SRGAP1: variants seen among roughly 807,000 people sequenced by gnomAD.
SRGAP1 encodes SLIT-ROBO Rho GTPase activating protein 1.
SRGAP1 carries 43 observed loss-of-function variants against 121.9 expected under a neutral mutation model. The ratio of observed to expected loss-of-function variants is 0.35; its 90% CI spans 0.28 to 0.46. The LOEUF is 0.46. SRGAP1 is among the 20% of genes least tolerant of loss of function. SRGAP1 has a pLI of 1.00. For missense variants in SRGAP1, 1,102 were observed against 1,350.9 expected (o/e 0.82, Z 2.89); for synonymous variants, 447 against 485.4 (o/e 0.92, Z 1.04).
At chr12:64,108,805 A>G (rs1198992633) in intron 15 of SRGAP1, 127 bp from the exon 16 acceptor site, 5 of 534,142 alleles carry the variant, frequency 9.4e-6, no homozygotes, top group Middle Eastern at 3.4e-4. Flanking sequence ...TTTGGTTACA[A>G]TTGGATCTCA....
At chr12:64,023,043 C>T (rs1227187106) in intron 4 of SRGAP1, among the ~76,000 whole-genome samples, 2 of 152,088 alleles carry the variant, frequency 1.3e-5, no homozygotes, top group African/African-American at 2.4e-5. Flanking sequence ...TTAGCCTCCT[C>T]ATCATCATCG....
chr12:64,147,626 C>T lies in SRGAP1; in HGVS notation c.*4954C>T. On this transcript the variant is annotated 3_prime_UTR_variant, in exon 22 of 22. Coordinates refer to ENST00000355086, the MANE Select transcript of SRGAP1 (RefSeq NM_020762.4). The stretch of plus-strand genomic sequence containing the variant: ...TTCGCCCGTGCTCTGTACTGCCTCT[C>T]ACCATTTCATTCCCTCCTCTCTGAG... 2.5e-6 allele frequency: 1 copy of T among 398,730 alleles called. No individual in the cohort carries two copies. The highest frequency in any genetic ancestry group is 4.4e-6 in the Non-Finnish European group (1 of 226,100). The allele number at this position is 398,730 out of a possible 1,614,324, so 24.7% of individuals were successfully genotyped here.
At chr12:64,095,666 T>G (rs2036142981) in intron 14 of SRGAP1, among the ~76,000 whole-genome samples, 1 of 152,174 alleles carries the variant, frequency 6.6e-6, no homozygotes, top group Admixed American at 6.5e-5. Flanking sequence ...TCAAATAAGT[T>G]CTACTAAACT....
chr12:63,868,578 C>A (rs989339538), intron 1 of SRGAP1, among the ~76,000 whole-genome samples: 2 of 151,990 alleles, frequency 1.3e-5, no homozygotes, highest in African/African-American at 4.8e-5. Context: ...CCCAGGCTGG[C>A]CTTGAACTCC....
intron 1 of SRGAP1, among the ~76,000 whole-genome samples, chr12:63,910,601 G>A (rs1355439009): frequency 6.6e-6 from 1 of 152,086 alleles, no homozygotes; most frequent in Non-Finnish European, 1.5e-5. Context: ...TTAAAGTCAT[G>A]GTACTTTAGA....
At position 63,898,905 on chromosome 12, in the gene SRGAP1, A is replaced by G. The variant is rs78747902; in HGVS notation, c.67+54022A>G. Among the ~76,000 whole-genome samples, 247 of 152,284 alleles carry G rather than the reference A, an allele frequency of 1.6e-3. 2 individuals are homozygous for G. In the East Asian group the frequency reaches 0.03, roughly 18 times the overall value. On this transcript the variant is annotated intron_variant, in intron 1 of 21. Coordinates refer to ENST00000355086, the MANE Select transcript of SRGAP1 (RefSeq NM_020762.4). ...TTGGACCAGTTTAGTCTATTGGAAA[A>G]GATAGGACATATGTTTCATTTCTTA...
rs1565699070 is a variant in SRGAP1 at position 64,141,285 on chromosome 12, A to AG, written c.2881-1010_2881-1009insG. The stretch of plus-strand genomic sequence containing the variant: ...CTTAAAGTATAATAAAAAAAAAAAA[A>AG]AAAAAGAAAAACTTGGCCCGGCACG... On this transcript the variant is annotated intron_variant, in intron 21 of 21. Transcript: ENST00000355086. Among the ~76,000 whole-genome samples the AG allele has an allele frequency of 1.4e-4, 18 of 126,810 alleles. 1 individual carries two copies. Among genetic ancestry groups the AG allele is most frequent in the East Asian group, 7.4e-4 (3 of 4,064 alleles). The allele number at this position is 126,810 out of a possible 152,430, so 83.2% of individuals were successfully genotyped here. A position where few individuals can be genotyped will look rare whatever the true frequency, so the allele number is the denominator to read the frequency against.
At chr12:64,026,764 G>A (rs1487586740) in intron 4 of SRGAP1, among the ~76,000 whole-genome samples, 7 of 151,872 alleles carry the variant, frequency 4.6e-5, no homozygotes, top group Non-Finnish European at 8.8e-5. Context: ...TACTTGGAAG[G>A]CTGAGTCGGG....
At chr12:64,021,093 G>C (rs1181491840) in intron 4 of SRGAP1, among the ~76,000 whole-genome samples, 1 of 152,122 alleles carries the variant, frequency 6.6e-6, no homozygotes, top group Non-Finnish European at 1.5e-5. Context: ...ATGATTGCTA[G>C]AACTCCAGCC....
chr12:64,043,032 C>G, intron 5 of SRGAP1, 60 bp downstream of exon 5: 1 of 1,140,350 alleles, frequency 8.8e-7, no homozygotes, highest in Non-Finnish European at 1.3e-6. Context: ...ACTAAGAACA[C>G]TGATGCAATA....
intron 1 of SRGAP1, among the ~76,000 whole-genome samples, chr12:63,964,369 G>A (rs973904228): frequency 6.6e-6 from 1 of 152,122 alleles, no homozygotes; most frequent in Admixed American, 6.5e-5. Context: ...GAAGCCTTTT[G>A]TCATTCATCC....
intron 7 of SRGAP1, among the ~76,000 whole-genome samples, chr12:64,063,930 T>G: frequency 6.6e-6 from 1 of 151,638 alleles, no homozygotes; most frequent in Middle Eastern, 3.5e-3. Flanking sequence ...AATATATACA[T>G]GTTTTTATAT....
intron 18 of SRGAP1, among the ~76,000 whole-genome samples, chr12:64,117,804 C>G (rs1358910341): frequency 2.0e-5 from 3 of 152,118 alleles, no homozygotes; most frequent in Non-Finnish European, 4.4e-5. Flanking sequence ...CCCTTTGATT[C>G]TATGAATTGG....
intron 6 of SRGAP1, among the ~76,000 whole-genome samples, chr12:64,059,750 A>G (rs2035411517): frequency 1.3e-5 from 2 of 152,220 alleles, no homozygotes; most frequent in Admixed American, 6.5e-5. Context: ...AGCAAGAGGA[A>G]TACAAGAGGA....
At chr12:63,915,775 C>G (rs1184761271) in intron 1 of SRGAP1, among the ~76,000 whole-genome samples, 1 of 152,108 alleles carries the variant, frequency 6.6e-6, no homozygotes, top group East Asian at 1.9e-4. Context: ...AAAGGAAAAC[C>G]AAATGTGATT....
rs57136125 is a variant in SRGAP1 at position 63,932,534 on chromosome 12, A to G, written c.68-51413A>G. ...ATGACCGTCATATAGAGAAATCTTT[A>G]TTACTAATTCTTTTCATGAATGAAT... On this transcript the variant is annotated intron_variant, in intron 1 of 21. Transcript: ENST00000355086. Among the ~76,000 whole-genome samples, 602 of 152,344 alleles carry G rather than the reference A, an allele frequency of 4.0e-3. 3 individuals are homozygous for G. The highest frequency in any genetic ancestry group is 0.012 in the African/African-American group (504 of 41,592).
At chr12:63,870,087 C>A (rs1398878948) in intron 1 of SRGAP1, among the ~76,000 whole-genome samples, 1 of 152,178 alleles carries the variant, frequency 6.6e-6, no homozygotes, top group Non-Finnish European at 1.5e-5. Context: ...GTTATTCATT[C>A]TGTTTAAACT....
At chr12:64,091,993 C>A in intron 12 of SRGAP1, 1 of 1,320,382 alleles carries the variant, frequency 7.6e-7, no homozygotes, top group Non-Finnish European at 1.0e-6. Context: ...CGTGCTCATG[C>A]TTGGCTTTAA....
intron 1 of SRGAP1, among the ~76,000 whole-genome samples, chr12:63,944,272 G>A (rs966989142): frequency 6.6e-6 from 1 of 152,154 alleles, no homozygotes; most frequent in African/African-American, 2.4e-5. Flanking sequence ...GGGCTGCTAT[G>A]ACAAACTACC....
Sources: gnomAD v4.1 joint callset for allele counts (sites outside exome capture counted in the v4.1 genomes callset) on GRCh38, gnomAD v4.1.1 for gene constraint, MANE v1.5 for transcripts, NCBI Gene and HGNC (gene_info 2026-07-23, HGNC 2026-07-21) for gene names.